The following TAF4 variants were observed in gnomAD, a reference collection of about 807,000 sequenced individuals.
TAF4 encodes the protein transcription initiation factor TFIID subunit 4.
In TAF4, 9 loss-of-function variants were observed where a neutral mutation model predicts 90.3. The observed-to-expected ratio is 0.10, with a 90% CI of 0.06 to 0.17. The LOEUF (loss-of-function observed/expected upper bound fraction) is 0.17. TAF4 is among the 10% of genes least tolerant of loss of function. The probability of loss-of-function intolerance (pLI) is 1.00; values close to 1 mark genes in which losing one functional copy is unlikely to be tolerated. For synonymous variants in TAF4, 818 were observed against 638.9 expected (o/e 1.28, Z -4.23); for missense variants, 1,351 against 1,370.7 (o/e 0.99, Z 0.23).
intron 1 of TAF4, among the ~76,000 whole-genome samples, chr20:62,052,708 G>A (rs1422366901): frequency 4.1e-5 from 6 of 146,500 alleles, no homozygotes; most frequent in South Asian, 2.2e-4. Flanking sequence ...GGTGCCTCGC[G>A]CCACCCCCCA....
chr20:62,013,394 A>G (rs2055791080), intron 2 of TAF4, among the ~76,000 whole-genome samples: 1 of 152,244 alleles, frequency 6.6e-6, no homozygotes, highest in African/African-American at 2.4e-5. Flanking sequence ...TCCTGAGCCC[A>G]TGAAGTTTGT....
intron 7 of TAF4, 72 bp from the exon 8 acceptor site, chr20:62,003,950 G>A (rs1371387960): frequency 6.8e-7 from 1 of 1,480,278 alleles, no homozygotes. Context: ...CCTAGCAGGA[G>A]GTTCTTCCCT....
At chr20:62,040,355 G>A (rs1179611668) in intron 1 of TAF4, among the ~76,000 whole-genome samples, 1 of 152,220 alleles carries the variant, frequency 6.6e-6, no homozygotes, top group African/African-American at 2.4e-5. Context: ...ATCCCGCCAA[G>A]GGAAAGGGCC....
chr20:62,045,778 TCTC>T (rs1036053664), intron 1 of TAF4, among the ~76,000 whole-genome samples: 9 of 152,160 alleles, frequency 5.9e-5, no homozygotes, highest in Non-Finnish European at 1.2e-4. Flanking sequence ...GAAAACTCTT[TCTC>T]GTCTAATCCA....
At chr20:62,020,777 G>A (rs998707228) in intron 1 of TAF4, among the ~76,000 whole-genome samples, 8 of 152,234 alleles carry the variant, frequency 5.3e-5, no homozygotes, top group South Asian at 2.1e-4. Context: ...ATGACCAGAC[G>A]ACAGCACCGA....
At chr20:62,017,334 G>C (rs1489437717) in intron 1 of TAF4, among the ~76,000 whole-genome samples, 1 of 152,076 alleles carries the variant, frequency 6.6e-6, no homozygotes, top group Admixed American at 6.5e-5. Flanking sequence ...CAGGAGCTTT[G>C]TGCTTTAAAA....
At chr20:62,032,212 C>T (rs753528688) in intron 1 of TAF4, among the ~76,000 whole-genome samples, 30 of 152,328 alleles carry the variant, frequency 2.0e-4, no homozygotes, top group Admixed American at 2.6e-4. Context: ...TGCAAGCAGT[C>T]GGCTCTGCTT....
chr20:62,034,216 C>CA (rs2055919909), intron 1 of TAF4, among the ~76,000 whole-genome samples: 2 of 152,284 alleles, frequency 1.3e-5, no homozygotes, highest in African/African-American at 4.8e-5. Context: ...GTGCGACCCT[C>CA]AAAAAATTGC....
rs765384004 is a variant in TAF4 at position 62,065,088 on chromosome 20, G to A, written c.723C>T (p.Pro241=). ...GGGGCGCGGCGGCGCCCACGAAGGG[G>A]GGCGTCTGGATGACAGTGCCGGGGG... ...PAAPGTVIQT[P]PFVGAAAPPA... is the part of the protein sequence containing the mutation. Residue 241 remains proline (P), a synonymous_variant, in exon 1 of 15, where the codon CCC becomes CCT. Coordinates refer to ENST00000252996, the MANE Select transcript of TAF4 (RefSeq NM_003185.4). The A allele has an allele frequency of 9.0e-6, 9 of 1,004,764 alleles. No individual in the cohort carries two copies. The African/African-American group carries it at 1.3e-4, about 14-fold the overall frequency. The allele number at this position is 1,004,764 out of a possible 1,614,324, so 62.2% of individuals were successfully genotyped here.
intron 1 of TAF4, among the ~76,000 whole-genome samples, chr20:62,048,361 C>T (rs925047420): frequency 5.3e-5 from 8 of 152,282 alleles, no homozygotes; most frequent in African/African-American, 1.9e-4. Flanking sequence ...CTGGGCATCC[C>T]GAGTGCAGAG....
At position 62,035,236 on chromosome 20, in the gene TAF4, A is replaced by G. The variant is rs561063993; in HGVS notation, c.1361-20529T>C. Among the ~76,000 whole-genome samples, 4 of 152,394 alleles carry G rather than the reference A, an allele frequency of 2.6e-5. No homozygotes were observed. In the South Asian group the frequency reaches 8.3e-4, roughly 32 times the overall value. The stretch of plus-strand genomic sequence containing the variant: ...GATTCTAAAATTTATAAGGAAGATC[A>G]AAGTGCCAAGAGTTGCACAGACAAT... On this transcript the variant is annotated intron_variant, in intron 1 of 14. Transcript: ENST00000252996.
At chr20:62,026,979 G>A (rs1407508848) in intron 1 of TAF4, among the ~76,000 whole-genome samples, 3 of 152,170 alleles carry the variant, frequency 2.0e-5, no homozygotes, top group Non-Finnish European at 4.4e-5. Context: ...TGTTTCACTC[G>A]TTAATTCCTC....
At chr20:62,044,818 C>T (rs1344295367) in intron 1 of TAF4, among the ~76,000 whole-genome samples, 4 of 152,210 alleles carry the variant, frequency 2.6e-5, no homozygotes, top group Admixed American at 2.0e-4. Context: ...GCTCGAGAGT[C>T]ATTTTCCTCT....
intron 12 of TAF4, 29 bp from the exon 13 acceptor site, chr20:61,998,221 G>A: frequency 1.9e-6 from 3 of 1,606,530 alleles, no homozygotes; most frequent in Non-Finnish European, 2.6e-6. Context: ...GAAAAGAAAA[G>A]TAAGTTATGA....
chr20:62,021,209 G>A lies in TAF4; in HGVS notation c.1361-6502C>T, dbSNP rs529143653. On this transcript the variant is annotated intron_variant, in intron 1 of 14. Coordinates refer to ENST00000252996, the MANE Select transcript of TAF4 (RefSeq NM_003185.4). ...AAAAAAGGCATTTCAGACACACTAG[G>A]TCTCAAAAAAGGTATATTCTGTAAG... is the stretch of plus-strand genomic sequence containing the variant. 2.6e-5 allele frequency among the ~76,000 whole-genome samples: 4 copies of A among 152,214 alleles called. No homozygotes were observed. The East Asian group carries it at 5.8e-4, about 22-fold the overall frequency.
At chr20:62,024,108 G>C (rs984852312) in intron 1 of TAF4, among the ~76,000 whole-genome samples, 2 of 152,140 alleles carry the variant, frequency 1.3e-5, no homozygotes, top group African/African-American at 2.4e-5. Context: ...GGACAGCACA[G>C]TGTTGGTGCA....
chr20:62,040,947 C>A (rs1231266841), intron 1 of TAF4, among the ~76,000 whole-genome samples: 1 of 152,252 alleles, frequency 6.6e-6, no homozygotes, highest in Admixed American at 6.5e-5. Flanking sequence ...TGCCAGACTC[C>A]TCAGCTGGCA....
At chr20:62,014,776 C>G in intron 1 of TAF4, 69 bp from the exon 2 acceptor site, 1 of 1,559,764 alleles carries the variant, frequency 6.4e-7, no homozygotes, top group Non-Finnish European at 8.6e-7. Context: ...CCTGGCCTGA[C>G]CCAGGGGAAG....
At chr20:61,983,715 C>T (rs1246464400) in intron 14 of TAF4, among the ~76,000 whole-genome samples, 1 of 152,086 alleles carries the variant, frequency 6.6e-6, no homozygotes, top group African/African-American at 2.4e-5. Context: ...AGAGTCAAGA[C>T]AAAACATGTC....
Sources: gnomAD v4.1 joint callset for allele counts (sites outside exome capture counted in the v4.1 genomes callset) on GRCh38, gnomAD v4.1.1 for gene constraint, MANE v1.5 for transcripts, NCBI Gene and HGNC (gene_info 2026-07-23, HGNC 2026-07-21) for gene names.